The following SNX24 variants were observed in gnomAD, a reference collection of about 807,000 sequenced individuals.
SNX24 encodes the protein sorting nexin-24.
A neutral mutation model predicts 28.7 loss-of-function variants in SNX24; 22 were observed. The ratio of observed to expected loss-of-function variants is 0.77; its 90% CI spans 0.55 to 1.10. The LOEUF (loss-of-function observed/expected upper bound fraction) is 1.10, where lower values mean the gene tolerates loss of function less well. Ranked by LOEUF, SNX24 falls within the 50% of genes least tolerant of loss-of-function variation. SNX24 has a pLI of 0.00. For synonymous variants in SNX24, 69 were observed against 71.5 expected (o/e 0.96, Z 0.18); for missense variants, 221 against 201.1 (o/e 1.10, Z -0.60).
At chr5:123,009,904 G>A (rs1226055509), downstream of SNX24, among the ~76,000 whole-genome samples, 3 of 152,212 alleles carry the variant, frequency 2.0e-5, no homozygotes, top group Admixed American at 6.5e-5. Flanking sequence ...GGCTGTGAGC[G>A]AAGCTCTTGA....
intron 6 of SNX24, among the ~76,000 whole-genome samples, chr5:123,006,171 C>A (rs1049181457): frequency 6.6e-6 from 1 of 152,142 alleles, no homozygotes; most frequent in Non-Finnish European, 1.5e-5. Context: ...AACTTGTCAC[C>A]ACATTCTATC....
intron 3 of SNX24, chr5:122,948,660 C>T (rs1759801109): frequency 6.6e-6 from 1 of 152,162 alleles, no homozygotes; most frequent in Admixed American, 6.5e-5. Context: ...AGTACAACCC[C>T]ACACATTTCC....
chr5:122,882,847 G>T (rs946140058), intron 1 of SNX24, among the ~76,000 whole-genome samples: 1 of 151,802 alleles, frequency 6.6e-6, no homozygotes, highest in African/African-American at 2.4e-5. Context: ...AGTTAATTAG[G>T]TCACCCAAGT....
At chr5:122,975,527 A>G (rs1761130464) in intron 3 of SNX24, among the ~76,000 whole-genome samples, 1 of 152,180 alleles carries the variant, frequency 6.6e-6, no homozygotes, top group Non-Finnish European at 1.5e-5. Flanking sequence ...ATTAAGCGGC[A>G]TAAAAATTTT....
intron 1 of SNX24, among the ~76,000 whole-genome samples, chr5:122,931,773 G>A (rs1169386968): frequency 9.9e-5 from 15 of 151,750 alleles, no homozygotes; most frequent in Non-Finnish European, 1.5e-5. Context: ...TCTGTATTTG[G>A]CAAGCACTTG....
At chr5:123,023,029 G>A (rs544625577) in intron 5 of SNX24, among the ~76,000 whole-genome samples, 1 of 152,288 alleles carries the variant, frequency 6.6e-6, no homozygotes, top group South Asian at 2.1e-4. Flanking sequence ...TCAAACTCCT[G>A]GGCTCAAGCA....
At chr5:122,978,228 A>G (rs904028460) in intron 3 of SNX24, among the ~76,000 whole-genome samples, 1 of 152,230 alleles carries the variant, frequency 6.6e-6, no homozygotes, top group African/African-American at 2.4e-5. Context: ...CAAGTGTGAT[A>G]AATTTAGTAG....
intron 6 of SNX24, among the ~76,000 whole-genome samples, chr5:123,007,203 T>C (rs947209357): frequency 2.6e-5 from 4 of 152,190 alleles, no homozygotes; most frequent in African/African-American, 9.7e-5. Flanking sequence ...ATCTTACTGC[T>C]CTCTTTCGAA....
intron 3 of SNX24, among the ~76,000 whole-genome samples, chr5:122,960,659 G>A (rs1472963145): frequency 6.6e-6 from 1 of 152,068 alleles, no homozygotes; most frequent in Non-Finnish European, 1.5e-5. Context: ...CACTTCATGA[G>A]AATTGTAGAG....
chr5:122,968,745 CAAATT>C (rs1760822603), intron 3 of SNX24, among the ~76,000 whole-genome samples: 1 of 152,140 alleles, frequency 6.6e-6, no homozygotes, highest in Non-Finnish European at 1.5e-5. Flanking sequence ...ACAGTACTCA[CAAATT>C]AAAATATTAT....
intron 3 of SNX24, among the ~76,000 whole-genome samples, chr5:122,998,931 G>A (rs1762145128): frequency 6.6e-6 from 1 of 151,966 alleles, no homozygotes; most frequent in African/African-American, 2.4e-5. Context: ...TAAACAACAT[G>A]TACTTACTGG....
chr5:122,917,896 C>A (rs1355391479), intron 1 of SNX24, among the ~76,000 whole-genome samples: 5 of 151,786 alleles, frequency 3.3e-5, no homozygotes, highest in Non-Finnish European at 7.4e-5. Flanking sequence ...CTGGCTAACA[C>A]GGTGAAACCC....
chr5:122,898,653 TAAAAA>T (rs940708978), intron 1 of SNX24, among the ~76,000 whole-genome samples: 4 of 152,152 alleles, frequency 2.6e-5, no homozygotes, highest in Admixed American at 6.5e-5. Flanking sequence ...TTTTGTTTCT[TAAAAA>T]AAGAAAATGA....
chr5:122,851,362 C>G (rs1379554828), intron 1 of SNX24, among the ~76,000 whole-genome samples: 1 of 152,064 alleles, frequency 6.6e-6, no homozygotes, highest in African/African-American at 2.4e-5. Context: ...GATGGAGTTT[C>G]ATCATGTTGG....
At chr5:122,912,266 CTGTT>C (rs1282170628) in intron 1 of SNX24, among the ~76,000 whole-genome samples, 3 of 138,176 alleles carry the variant, frequency 2.2e-5, no homozygotes, top group Non-Finnish European at 4.6e-5. Flanking sequence ...ATTTGGCTCT[CTGTT>C]TGTCTGTTAT....
At chr5:122,899,146 T>C (rs1240534176) in intron 1 of SNX24, among the ~76,000 whole-genome samples, 2 of 152,186 alleles carry the variant, frequency 1.3e-5, no homozygotes, top group African/African-American at 2.4e-5. Context: ...GAACACAGTC[T>C]CTTCTGCTCT....
At chr5:122,994,934 G>T (rs946352497) in intron 3 of SNX24, among the ~76,000 whole-genome samples, 1 of 152,094 alleles carries the variant, frequency 6.6e-6, no homozygotes, top group Non-Finnish European at 1.5e-5. Context: ...TAATATCGAA[G>T]TGAGTCAAAT....
intron 1 of SNX24, among the ~76,000 whole-genome samples, chr5:122,910,837 A>G (rs1417960733): frequency 6.6e-6 from 1 of 151,916 alleles, no homozygotes; most frequent in Non-Finnish European, 1.5e-5. Flanking sequence ...CATGGTGTAT[A>G]TGTGCCACAT....
intron 1 of SNX24, among the ~76,000 whole-genome samples, chr5:122,909,441 G>A (rs1301274420): frequency 6.6e-6 from 1 of 152,206 alleles, no homozygotes; most frequent in Non-Finnish European, 1.5e-5. Context: ...CATGTAGCCA[G>A]TATGTGGGAA....
Sources: allele counts gnomAD v4.1 joint callset (sites outside exome capture counted in the v4.1 genomes callset), GRCh38; gene constraint gnomAD v4.1.1; transcripts MANE v1.5; gene names NCBI Gene and HGNC (gene_info 2026-07-23, HGNC 2026-07-21).